The following POLE variants were observed in gnomAD, a reference collection of about 807,000 sequenced individuals.
POLE encodes the protein DNA polymerase epsilon catalytic subunit A.
In POLE, 188 loss-of-function variants were observed where a neutral mutation model predicts 279.2. The observed-to-expected ratio is 0.67, with a 90% CI of 0.60 to 0.76. The LOEUF (loss-of-function observed/expected upper bound fraction) is 0.76. Ranked by LOEUF, POLE falls within the 30% of genes least tolerant of loss-of-function variation. The pLI, the probability that POLE is intolerant of heterozygous loss-of-function variation, is 0.00. For synonymous variants in POLE, 1,214 were observed against 1,172.5 expected (o/e 1.04, Z -0.72); for missense variants, 2,703 against 3,016.7 (o/e 0.90, Z 2.44).
Position 132,643,241 on chromosome 12 carries a change from C to T in POLE, c.4534G>A (p.Val1512Ile), listed in dbSNP as rs147354120. Residue 1512 changes from valine (V) to isoleucine (I), a missense_variant, in exon 35 of 49, where the codon GTC becomes ATC. Around this residue, in one of 5 missense-constraint regions of POLE, gnomAD observed 1,551 missense variants for 1,686.1 expected, o/e 0.92. Transcript: ENST00000320574. ...GGACTCACAGTGTCCAGCACAAAGA[C>T]GGATGCCCTGCGCTGTGAGGGGATG... ...IFIPSQRRAS[V>I]FVLDTVRSNQ... is the part of the protein sequence containing the mutation. The T allele has an allele frequency of 1.0e-4, 169 of 1,613,682 alleles. No homozygotes were observed. In the African/African-American group the frequency reaches 1.8e-3, roughly 17 times the overall value.
In POLE at chr12:132,632,457, A is replaced by C. The variant is rs1410600023; in HGVS notation, c.6188T>G (p.Phe2063Cys). 1.2e-6 allele frequency: 2 copies of C among 1,614,104 alleles called. No individual in the cohort carries two copies. The highest frequency in any genetic ancestry group is 1.7e-6 in the Non-Finnish European group (2 of 1,179,972). Residue 2063 changes from phenylalanine to cysteine, a missense_variant, in exon 45 of 49, where the codon TTC (phenylalanine) becomes TGC (cysteine). Phe to Cys is a radical substitution (Grantham distance 205, BLOSUM62 -2). This residue lies in a region of POLE where 1,551 missense variants were observed against 1,686.1 expected (regional missense o/e 0.92). Coordinates refer to ENST00000320574, the MANE Select transcript of POLE (RefSeq NM_006231.4). Reference sequence around the variant, plus strand: ...CTGAATCTTCTGAGTGATGGTGAAGAAGCTCTGAGTGAGCTCATTTGCGAC... The same window carrying C: ...CTGAATCTTCTGAGTGATGGTGAAGCAGCTCTGAGTGAGCTCATTTGCGAC... ...DYVANELTQS[F>C]FTITQKIQKK...
At position 132,661,785 on chromosome 12, in the gene POLE, G is replaced by A. The variant is rs1416061850; in HGVS notation, c.2707-101C>T. On this transcript the variant is annotated intron_variant, in intron 23 of 48. Coordinates refer to ENST00000320574, the MANE Select transcript of POLE (RefSeq NM_006231.4). This position sits in a 1 kb window ranked among gnomAD's most constrained non-coding sequence, Gnocchi z 4.1. ...GGAGTGGATGGATTGACAAACCGAG[G>A]CTTTTCCACATAACTAACACGACTT... is the stretch of plus-strand genomic sequence containing the variant. 17 of 1,206,794 alleles carry A rather than the reference G, an allele frequency of 1.4e-5. No individual in the cohort carries two copies. In the African/African-American group the frequency reaches 2.3e-4, roughly 16 times the overall value. The allele number at this position is 1,206,794 out of a possible 1,614,324, so 74.8% of individuals were successfully genotyped here. A position where few individuals can be genotyped will look rare whatever the true frequency, so the allele number is the denominator to read the frequency against.
At chr12:132,670,124 C>T (rs2042891496) in intron 16 of POLE, among the ~76,000 whole-genome samples, 1 of 152,004 alleles carries the variant, frequency 6.6e-6, no homozygotes, top group Non-Finnish European at 1.5e-5. Flanking sequence ...GTAATCCCAG[C>T]ACTTTGGGAG....
chr12:132,624,884 G>A (rs1212737306), intron 48 of POLE, 21 bp downstream of exon 48: 1 of 1,609,682 alleles, frequency 6.2e-7, no homozygotes, highest in Middle Eastern at 1.7e-4. Context: ...GCTGAGCCGA[G>A]GCAGATGAGG....
At chr12:132,643,157 G>A (rs897309208) in intron 35 of POLE, 67 bp downstream of exon 35, 2 of 1,540,174 alleles carry the variant, frequency 1.3e-6, no homozygotes, top group Admixed American at 1.8e-5. Flanking sequence ...TGGGCACCCT[G>A]GGAGATGTCC....
intron 32 of POLE, among the ~76,000 whole-genome samples, chr12:132,648,381 A>T (rs1313673550): frequency 6.6e-6 from 1 of 152,042 alleles, no homozygotes; most frequent in Non-Finnish European, 1.5e-5. Flanking sequence ...CAGCTAATGC[A>T]TGTGGGGCCT....
intron 20 of POLE, 110 bp downstream of exon 20, chr12:132,667,393 T>C: frequency 9.0e-7 from 1 of 1,116,092 alleles, no homozygotes; most frequent in Non-Finnish European, 1.3e-6. Flanking sequence ...ACCATCCGAG[T>C]GCAAGTGCCT....
At chr12:132,682,780 C>A (rs1408576917) in intron 1 of POLE, among the ~76,000 whole-genome samples, 4 of 151,522 alleles carry the variant, frequency 2.6e-5, no homozygotes, top group African/African-American at 9.7e-5. Context: ...GGTGAAACCC[C>A]GTCTCTACTA....
rs373771076 is a variant in POLE at position 132,641,616 on chromosome 12, T to A, written c.5378+31A>T. ...AGGGCAAAGGATAAGACCCTTCTAT[T>A]AGTAACACTCCTTCCCAGAGAGGGT... On this transcript the variant is annotated intron_variant, in intron 39 of 48. Coordinates refer to ENST00000320574, the MANE Select transcript of POLE (RefSeq NM_006231.4). 101 of 1,578,590 alleles carry A rather than the reference T, an allele frequency of 6.4e-5. 1 individual carries two copies. In the South Asian group the frequency reaches 8.5e-4, roughly 13 times the overall value.
chr12:132,667,118 C>T (rs1257561026), intron 20 of POLE, among the ~76,000 whole-genome samples: 1 of 152,096 alleles, frequency 6.6e-6, no homozygotes, highest in African/African-American at 2.4e-5. Context: ...ATGGTGAATA[C>T]CATAGATGAG....
intron 32 of POLE, among the ~76,000 whole-genome samples, chr12:132,647,060 C>T (rs1407448479): frequency 6.6e-6 from 1 of 152,144 alleles, no homozygotes; most frequent in East Asian, 1.9e-4. Flanking sequence ...CATCATCTTA[C>T]TTAGTCATTT....
intron 16 of POLE, among the ~76,000 whole-genome samples, chr12:132,671,904 A>G (rs1046659776): frequency 1.2e-4 from 18 of 152,144 alleles, no homozygotes; most frequent in African/African-American, 4.3e-4. Context: ...TAAAACCTCC[A>G]ATGGCTCCCC....
At position 132,635,582 on chromosome 12, in the gene POLE, C is replaced by T. The variant is rs5744994; in HGVS notation, c.5811+310G>A. On this transcript the variant is annotated intron_variant, in intron 42 of 48. Transcript: ENST00000320574. ...GTGCTTTGCCTCCCTGGTGTCCATC[C>T]GCTGGAGGCGCCTTATGCTCGCACA... Among the ~76,000 whole-genome samples the T allele has an allele frequency of 8.6e-3, 1,315 of 152,380 alleles. 17 individuals are homozygous for T. Among genetic ancestry groups the T allele is most frequent in the African/African-American group, 0.03 (1,260 of 41,588 alleles).
At chr12:132,681,076 C>A (rs1029487259) in intron 2 of POLE, 62 bp downstream of exon 2, 61 of 1,587,684 alleles carry the variant, frequency 3.8e-5, no homozygotes, top group Non-Finnish European at 5.2e-5. Context: ...TAGATAAGGA[C>A]CACGCTATGA....
chr12:132,679,428 G>C (rs771354620), intron 6 of POLE, 69 bp downstream of exon 6: 13 of 1,464,124 alleles, frequency 8.9e-6, no homozygotes, highest in Non-Finnish European at 1.1e-5. Context: ...TTGTTGCTAC[G>C]TGTTCCTGTC....
intron 23 of POLE, among the ~76,000 whole-genome samples, chr12:132,663,679 C>T (rs566915576): frequency 6.6e-6 from 1 of 152,120 alleles, no homozygotes; most frequent in Non-Finnish European, 1.5e-5. Context: ...GACAAGCGCA[C>T]CATGGTTTAT....
At position 132,677,592 on chromosome 12, in the gene POLE, G is replaced by C. The variant is rs553397628; in HGVS notation, c.706C>G (p.Leu236Val). The change falls in exon 7 of 49, where the codon CTG becomes GTG. Residue 236 changes from leucine to valine, a missense_variant. This residue lies in a region of POLE where 1,011 missense variants were observed against 1,111.7 expected (regional missense o/e 0.91). Coordinates refer to ENST00000320574, the MANE Select transcript of POLE (RefSeq NM_006231.4). The stretch of plus-strand genomic sequence containing the variant: ...GCCCCACTCACCACGTGGATCTTCA[G>C]GTCAATGGAGAGGCGGATGTGGTAG... The part of the protein sequence containing the change: ...VPYHIRLSID[L>V]KIHVAHWYNV... 6 of 1,614,186 alleles carry C rather than the reference G, an allele frequency of 3.7e-6. 1 individual carries two copies. Among genetic ancestry groups the C allele is most frequent in the South Asian group, 3.3e-5 (3 of 91,090 alleles).
In POLE at chr12:132,681,189, C is replaced by T. The variant is rs762772484; in HGVS notation, c.153G>A (p.Glu51=). 1.2e-5 allele frequency: 20 copies of T among 1,614,044 alleles called. No individual in the cohort carries two copies. The African/African-American group carries it at 2.4e-4, about 19-fold the overall frequency. The change falls in exon 2 of 49, where the codon GAG becomes GAA. Residue 51 remains glutamate, a synonymous_variant. Transcript: ENST00000320574. ...TCTTCTCACCAGGCTCCTTCAGCCG[C>T]TCAAAACCAAACCGCAAATCCATCT... is the stretch of plus-strand genomic sequence containing the variant. ...TDKMDLRFGF[E]RLKEPGEKTG... is the part of the protein sequence containing the mutation.
chr12:132,625,746 G>A lies in POLE; in HGVS notation c.6556C>T (p.Leu2186Phe), dbSNP rs2041825564. The A allele has an allele frequency of 6.2e-7, 1 of 1,612,266 alleles. No individual in the cohort carries two copies. Among genetic ancestry groups the A allele is most frequent in the South Asian group, 1.1e-5 (1 of 91,096 alleles). ...SEDGAVLPQWLCSNCQAPYDS... is the reference protein window; with the variant it reads ...SEDGAVLPQWFCSNCQAPYDS... ...TAGGGCGCCTGACAGTTGGAGCAGA[G>A]CCACTGAGGCAGGACCGCCCCATCC... is the stretch of plus-strand genomic sequence containing the variant. Residue 2186 changes from leucine (L) to phenylalanine (F), a missense_variant, in exon 47 of 49, where the codon CTC (leucine) becomes TTC (phenylalanine). By Grantham distance (22) the Leu-to-Phe change is conservative. This residue lies in a region of POLE where 1,551 missense variants were observed against 1,686.1 expected (regional missense o/e 0.92). Coordinates refer to ENST00000320574, the MANE Select transcript of POLE (RefSeq NM_006231.4).
Sources: allele counts gnomAD v4.1 joint callset (sites outside exome capture counted in the v4.1 genomes callset), GRCh38; gene constraint gnomAD v4.1.1; regional missense constraint gnomAD v4.1.1; non-coding constraint Gnocchi (gnomAD v3.1); transcripts MANE v1.5; gene names NCBI Gene and HGNC (gene_info 2026-07-23, HGNC 2026-07-21).